Variants in KCNQ3 observed in about 807,000 individuals in gnomAD.
KCNQ3 encodes the protein potassium voltage-gated channel subfamily KQT member 3.
A neutral mutation model predicts 92.5 loss-of-function variants in KCNQ3; 30 were observed. The ratio of observed to expected loss-of-function variants is 0.32; its 90% CI spans 0.24 to 0.44. KCNQ3 has a LOEUF of 0.44. Ranked by LOEUF, KCNQ3 falls within the 20% of genes least tolerant of loss-of-function variation. The pLI, the probability that KCNQ3 is intolerant of heterozygous loss-of-function variation, is 1.00. For synonymous variants in KCNQ3, 450 were observed against 468.8 expected (o/e 0.96, Z 0.52); for missense variants, 913 against 1,140.3 (o/e 0.80, Z 2.87).
intron 2 of KCNQ3, among the ~76,000 whole-genome samples, chr8:132,185,324 C>T (rs917533606): frequency 3.3e-5 from 5 of 152,230 alleles, no homozygotes; most frequent in East Asian, 1.9e-4. Context: ...CCCATGCAGT[C>T]GGCATTGCCC....
chr8:132,417,427 G>A (rs2130805834), intron 1 of KCNQ3, among the ~76,000 whole-genome samples: 1 of 152,282 alleles, frequency 6.6e-6, no homozygotes, highest in South Asian at 2.1e-4. Flanking sequence ...CATCCAATCA[G>A]AACTCAGAGG....
intron 1 of KCNQ3, among the ~76,000 whole-genome samples, chr8:132,330,982 T>A (rs1036705634): frequency 6.6e-6 from 1 of 152,184 alleles, no homozygotes; most frequent in Non-Finnish European, 1.5e-5. Context: ...CTGGGGTGGC[T>A]TCTGATAAGC....
chr8:132,372,966 G>C (rs1819515421), intron 1 of KCNQ3, among the ~76,000 whole-genome samples: 1 of 152,072 alleles, frequency 6.6e-6, no homozygotes, highest in Non-Finnish European at 1.5e-5. Flanking sequence ...GTAGAGGAAA[G>C]AAAGAACCAA....
chr8:132,170,655 AATGGAGAG>A (rs1305741453), intron 7 of KCNQ3, among the ~76,000 whole-genome samples: 3 of 151,970 alleles, frequency 2.0e-5, no homozygotes, highest in African/African-American at 7.3e-5. Flanking sequence ...TGAGTGGGGG[AATGGAGAG>A]ATGAACTGGA....
At chr8:132,470,654 A>G (rs1740079383) in intron 1 of KCNQ3, among the ~76,000 whole-genome samples, 1 of 152,268 alleles carries the variant, frequency 6.6e-6, no homozygotes, top group Admixed American at 6.5e-5. Flanking sequence ...GTTATCTACT[A>G]TGGAGGCCAT....
At chr8:132,398,666 A>G (rs1214432388) in intron 1 of KCNQ3, among the ~76,000 whole-genome samples, 1 of 152,244 alleles carries the variant, frequency 6.6e-6, no homozygotes, top group East Asian at 1.9e-4. Context: ...GGAAACAGAA[A>G]GACAGGCAGA....
intron 1 of KCNQ3, among the ~76,000 whole-genome samples, chr8:132,222,986 A>G (rs1437278941): frequency 6.6e-6 from 1 of 152,240 alleles, no homozygotes; most frequent in Non-Finnish European, 1.5e-5. Flanking sequence ...ATTTGGCTAA[A>G]GCTATAATGT....
rs188765506 is a variant in KCNQ3, at chr8:132,220,620, A to G, written c.387-34439T>C. ...AAAAATTAGCTGGGCATGGTGATGG[A>G]TGCCTGTAATTCCAGCTACTCAGGA... On this transcript the variant is annotated intron_variant, in intron 1 of 14. Coordinates refer to ENST00000388996, the MANE Select transcript of KCNQ3 (RefSeq NM_004519.4). Among the ~76,000 whole-genome samples, 247 of 152,162 alleles carry G rather than the reference A, an allele frequency of 1.6e-3. 1 individual carries two copies. The highest frequency in any genetic ancestry group is 5.7e-3 in the African/African-American group (236 of 41,546).
Position 132,129,246 on chromosome 8 carries a change from C to T in KCNQ3, c.*16G>A. On this transcript the variant is annotated 3_prime_UTR_variant, in exon 15 of 15. Transcript: ENST00000388996. This position sits in a 1 kb window ranked among gnomAD's most constrained non-coding sequence, Gnocchi z 5.9. ...GTCTGTCTACATTACAAGGAGGGGT[C>T]AGCCAGTGACCTCTTTTAAATGGGC... 6.2e-7 allele frequency: 1 copy of T among 1,606,816 alleles called. No homozygotes were observed. The highest frequency in any genetic ancestry group is 1.1e-5 in the South Asian group (1 of 91,050).
chr8:132,411,637 G>C (rs1278464558), intron 1 of KCNQ3, among the ~76,000 whole-genome samples: 1 of 151,882 alleles, frequency 6.6e-6, no homozygotes, highest in Non-Finnish European at 1.5e-5. Context: ...GGCATATCAG[G>C]GACACACACA....
chr8:132,288,766 T>C (rs981161410), intron 1 of KCNQ3, among the ~76,000 whole-genome samples: 2 of 152,146 alleles, frequency 1.3e-5, no homozygotes, highest in African/African-American at 4.8e-5. Context: ...CTTACAAAAC[T>C]AAAAGCTGAA....
At chr8:132,419,052 G>T (rs2130808024) in intron 1 of KCNQ3, among the ~76,000 whole-genome samples, 1 of 152,326 alleles carries the variant, frequency 6.6e-6, no homozygotes, top group Non-Finnish European at 1.5e-5. Flanking sequence ...GCACATGGGA[G>T]AAGCATGAGA....
At chr8:132,282,597 T>A (rs1295067027) in intron 1 of KCNQ3, among the ~76,000 whole-genome samples, 1 of 152,142 alleles carries the variant, frequency 6.6e-6, no homozygotes, top group Non-Finnish European at 1.5e-5. Context: ...CTCCTGCTCC[T>A]CCGTGAGAAG....
At chr8:132,394,877 G>T (rs1187315909) in intron 1 of KCNQ3, among the ~76,000 whole-genome samples, 3 of 152,308 alleles carry the variant, frequency 2.0e-5, no homozygotes, top group Non-Finnish European at 2.9e-5. Context: ...CTGAGAAGAT[G>T]AACTGTGCTT....
chr8:132,336,794 T>C (rs1818377462), intron 1 of KCNQ3, among the ~76,000 whole-genome samples: 1 of 152,320 alleles, frequency 6.6e-6, no homozygotes, highest in South Asian at 2.1e-4. Context: ...AGACATCCAA[T>C]ACAACTCATA....
chr8:132,256,648 A>G (rs1234419473), intron 1 of KCNQ3, among the ~76,000 whole-genome samples: 1 of 152,234 alleles, frequency 6.6e-6, no homozygotes, highest in Non-Finnish European at 1.5e-5. Flanking sequence ...TAAGATTAAC[A>G]GTTGATTACT....
chr8:132,157,382 T>C (rs1409894135), intron 9 of KCNQ3, among the ~76,000 whole-genome samples: 1 of 152,230 alleles, frequency 6.6e-6, no homozygotes, highest in African/African-American at 2.4e-5. Flanking sequence ...ATAGCTCTAC[T>C]AGCTTCTCTA....
chr8:132,387,622 G>A (rs969879400), intron 1 of KCNQ3, among the ~76,000 whole-genome samples: 9 of 152,188 alleles, frequency 5.9e-5, no homozygotes, highest in Non-Finnish European at 7.4e-5. Flanking sequence ...GTGACAATTT[G>A]GGAAACCCAT....
chr8:132,153,860 A>G (rs1352504316), intron 9 of KCNQ3, among the ~76,000 whole-genome samples: 1 of 152,058 alleles, frequency 6.6e-6, no homozygotes, highest in Non-Finnish European at 1.5e-5. Flanking sequence ...TCCCTCCCTT[A>G]TGTACCCTAG....
Sources: allele counts gnomAD v4.1 joint callset (sites outside exome capture counted in the v4.1 genomes callset), GRCh38; gene constraint gnomAD v4.1.1; non-coding constraint Gnocchi (gnomAD v3.1); transcripts MANE v1.5; gene names NCBI Gene and HGNC (gene_info 2026-07-23, HGNC 2026-07-21).